The following ST8SIA6 variants were observed in gnomAD, a reference collection of about 807,000 sequenced individuals.
ST8SIA6 encodes the protein ST8 alpha-N-acetyl-neuraminide alpha-2,8-sialyltransferase 6.
Under a neutral mutation model 33.6 loss-of-function variants are expected in ST8SIA6, and 39 were observed. The ratio of observed to expected loss-of-function variants is 1.16; its 90% CI spans 0.90 to 1.52. The LOEUF is 1.52. Ranked by LOEUF, ST8SIA6 falls within the 40% of genes most tolerant of loss-of-function variation. The probability of loss-of-function intolerance (pLI) is 0.00; values close to 1 mark genes in which losing one functional copy is unlikely to be tolerated. For missense variants in ST8SIA6, 441 were observed against 443.8 expected (o/e 0.99, Z 0.06); for synonymous variants, 172 against 167.2 (o/e 1.03, Z -0.22).
intron 2 of ST8SIA6, among the ~76,000 whole-genome samples, chr10:17,444,987 A>C (rs1174018765): frequency 6.6e-6 from 1 of 152,234 alleles, no homozygotes; most frequent in Non-Finnish European, 1.5e-5. Context: ...TCATTACTTC[A>C]AAAAGCAAAG....
chr10:17,323,205 A>C, intron 6 of ST8SIA6, 48 bp from the exon 7 acceptor site: 1 of 1,466,008 alleles, frequency 6.8e-7, no homozygotes, highest in South Asian at 1.1e-5. Flanking sequence ...TTGTAGAAAA[A>C]AGATTGTATA....
intron 2 of ST8SIA6, among the ~76,000 whole-genome samples, chr10:17,391,086 G>A (rs1433205210): frequency 2.6e-5 from 4 of 151,958 alleles, no homozygotes; most frequent in Admixed American, 2.0e-4. Flanking sequence ...TGGAACTCTC[G>A]ACCTTAGATG....
chr10:17,450,426 T>A (rs1852864617), intron 2 of ST8SIA6, among the ~76,000 whole-genome samples: 1 of 152,168 alleles, frequency 6.6e-6, no homozygotes, highest in African/African-American at 2.4e-5. Flanking sequence ...CTCCCTAATA[T>A]ACCTGAATGT....
At chr10:17,453,515 G>T in intron 2 of ST8SIA6, 44 bp downstream of exon 2, 1 of 1,260,236 alleles carries the variant, frequency 7.9e-7, no homozygotes. Flanking sequence ...TGCCCGGCTC[G>T]CAGCTCCCGA....
At chr10:17,387,490 C>T (rs1850421649) in intron 3 of ST8SIA6, among the ~76,000 whole-genome samples, 2 of 149,026 alleles carry the variant, frequency 1.3e-5, no homozygotes, top group East Asian at 2.0e-4. Flanking sequence ...TGGTCTCGAA[C>T]TCCCCACCTC....
chr10:17,385,754 A>G (rs189622402), intron 3 of ST8SIA6, among the ~76,000 whole-genome samples: 1 of 152,296 alleles, frequency 6.6e-6, no homozygotes, highest in East Asian at 1.9e-4. Context: ...GAAGCCTGAC[A>G]GAGGTCTCAT....
At position 17,427,892 on chromosome 10, in the gene ST8SIA6, A is replaced by G. The variant is rs190119134; in HGVS notation, c.200+25667T>C. ...AGAAATGGCCAGGTATCTTGGATTCATGGAAACACACTTGCTGATGAAAAG... is the reference window on the plus strand; with the variant it reads ...AGAAATGGCCAGGTATCTTGGATTCGTGGAAACACACTTGCTGATGAAAAG... On this transcript the variant is annotated intron_variant, in intron 2 of 7. Coordinates refer to ENST00000377602, the MANE Select transcript of ST8SIA6 (RefSeq NM_001004470.3). 1.2e-3 allele frequency among the ~76,000 whole-genome samples: 182 copies of G among 152,362 alleles called. 1 individual carries two copies. Among genetic ancestry groups the G allele is most frequent in the Non-Finnish European group, 2.0e-3 (137 of 68,038 alleles).
intron 2 of ST8SIA6, among the ~76,000 whole-genome samples, chr10:17,403,347 G>C (rs963185768): frequency 6.6e-6 from 1 of 152,212 alleles, no homozygotes; most frequent in African/African-American, 2.4e-5. Flanking sequence ...TTGAAAACAA[G>C]TTGCAAACAT....
intron 2 of ST8SIA6, among the ~76,000 whole-genome samples, chr10:17,433,194 A>G (rs1251026693): frequency 6.6e-6 from 1 of 152,154 alleles, no homozygotes; most frequent in African/African-American, 2.4e-5. Flanking sequence ...TCTGGGGGAA[A>G]AAAAATAACC....
At chr10:17,437,185 G>A (rs556392759) in intron 2 of ST8SIA6, among the ~76,000 whole-genome samples, 1 of 151,996 alleles carries the variant, frequency 6.6e-6, no homozygotes, top group African/African-American at 2.4e-5. Context: ...TTGAGACAGG[G>A]TCTTGCTCTG....
intron 2 of ST8SIA6, among the ~76,000 whole-genome samples, chr10:17,452,397 G>T (rs1408622103): frequency 6.6e-6 from 1 of 152,134 alleles, no homozygotes; most frequent in Non-Finnish European, 1.5e-5. Flanking sequence ...CAGAAGAAAA[G>T]GGATTTGCAA....
intron 4 of ST8SIA6, among the ~76,000 whole-genome samples, chr10:17,357,585 A>G (rs945445868): frequency 2.0e-5 from 3 of 152,298 alleles, no homozygotes; most frequent in African/African-American, 7.2e-5. Flanking sequence ...CAAGTTCTTT[A>G]TGACAAAAAC....
chr10:17,417,165 A>G (rs142689183), intron 2 of ST8SIA6, among the ~76,000 whole-genome samples: 20 of 152,254 alleles, frequency 1.3e-4, no homozygotes, highest in African/African-American at 4.3e-4. Flanking sequence ...GAGAGAGGAG[A>G]CAGTGCCAGG....
intron 2 of ST8SIA6, among the ~76,000 whole-genome samples, chr10:17,430,776 G>A (rs1302459555): frequency 6.6e-6 from 1 of 152,106 alleles, no homozygotes; most frequent in Non-Finnish European, 1.5e-5. Context: ...CGTAGATTCT[G>A]GATTCTAGCC....
chr10:17,407,521 A>G (rs1298699342), intron 2 of ST8SIA6, among the ~76,000 whole-genome samples: 2 of 152,094 alleles, frequency 1.3e-5, no homozygotes, highest in South Asian at 4.1e-4. Context: ...ACCTTAGACC[A>G]TCCTAATTCT....
chr10:17,439,246 A>G (rs539346075), intron 2 of ST8SIA6, among the ~76,000 whole-genome samples: 5 of 142,744 alleles, frequency 3.5e-5, no homozygotes, highest in African/African-American at 1.3e-4. Flanking sequence ...GTCATGCATT[A>G]TTACTTTCTG....
chr10:17,332,527 T>A (rs1191634298), intron 4 of ST8SIA6, among the ~76,000 whole-genome samples: 1 of 152,196 alleles, frequency 6.6e-6, no homozygotes, highest in African/African-American at 2.4e-5. Context: ...TACAGTAGCA[T>A]GATCTTGGGT....
chr10:17,426,590 A>G (rs1051765480), intron 2 of ST8SIA6, among the ~76,000 whole-genome samples: 1 of 152,226 alleles, frequency 6.6e-6, no homozygotes, highest in African/African-American at 2.4e-5. Flanking sequence ...TCAGCCAGCC[A>G]GAGAAAGCCC....
intron 2 of ST8SIA6, among the ~76,000 whole-genome samples, chr10:17,427,735 CA>C (rs890694819): frequency 2.0e-5 from 3 of 152,088 alleles, no homozygotes; most frequent in Non-Finnish European, 2.9e-5. Flanking sequence ...AAGGGGTTTC[CA>C]AAAAAGACAA....
Sources: gnomAD v4.1 joint callset for allele counts (sites outside exome capture counted in the v4.1 genomes callset) on GRCh38, gnomAD v4.1.1 for gene constraint, MANE v1.5 for transcripts, NCBI Gene and HGNC (gene_info 2026-07-23, HGNC 2026-07-21) for gene names.